Variants in WDFY3 observed in about 807,000 individuals in gnomAD.
WDFY3 encodes WD repeat and FYVE domain containing 3, also known as WD repeat and FYVE domain-containing protein 3.
In WDFY3, 66 loss-of-function variants were observed where a neutral mutation model predicts 409.6. That is an observed-to-expected ratio of 0.16 (90% CI 0.13 to 0.20). The LOEUF is 0.20. WDFY3 is among the 10% of genes least tolerant of loss of function. WDFY3 has a pLI of 1.00. For synonymous variants in WDFY3, 1,521 were observed against 1,537.1 expected, an observed-to-expected ratio of 0.99 and a Z score of 0.25; for missense variants, 3,031 against 4,298.1, an observed-to-expected ratio of 0.71 and a Z score of 8.24.
At chr4:84,834,043 C>G (rs547140757) in intron 7 of WDFY3, among the ~76,000 whole-genome samples, 1 of 152,012 alleles carries the variant, frequency 6.6e-6, no homozygotes, top group Non-Finnish European at 1.5e-5. Flanking sequence ...TGAATACAGA[C>G]AGTTAAATGC....
rs561554379 is a variant in WDFY3, at chr4:84,690,603, T to C, written c.9266A>G (p.Asn3089Ser). ...TCCACCCGTGATGACCAGCTTGGGG[T>C]TGGGGCAGATTGCACAGAGAATCTG... Reference protein sequence around the residue: ...WGQILCAICPNPKLVITGGTS... With the variant: ...WGQILCAICPSPKLVITGGTS... The change falls in exon 61 of 68, where the codon AAC becomes AGC. Residue 3089 changes from asparagine to serine, a missense_variant. Physicochemically the swap from Asn to Ser is conservative, Grantham distance 46. Transcript: ENST00000295888. 3 of 1,614,116 alleles carry C rather than the reference T, an allele frequency of 1.9e-6. No individual in the cohort carries two copies. Among genetic ancestry groups the C allele is most frequent in the Middle Eastern group, 3.3e-4 (2 of 6,062 alleles).
intron 5 of WDFY3, among the ~76,000 whole-genome samples, chr4:84,842,266 C>T (rs1393256855): frequency 1.3e-5 from 2 of 152,120 alleles, no homozygotes; most frequent in Non-Finnish European, 2.9e-5. Flanking sequence ...CACCTGAGGT[C>T]AGGAGTTCGA....
At chr4:84,897,080 C>T (rs1320914461) in intron 2 of WDFY3, 70 bp from the exon 3 acceptor site, 1 of 152,192 alleles carries the variant, frequency 6.6e-6, no homozygotes, top group Non-Finnish European at 1.5e-5. Flanking sequence ...ACAGGTAGCC[C>T]AGGTCCACTA....
Position 84,789,685 on chromosome 4 carries a change from C to A in WDFY3, c.3669+41G>T, listed in dbSNP as rs367553743. On this transcript the variant is annotated intron_variant, in intron 22 of 67. Transcript: ENST00000295888. ...CACACACACACCCCCCAAACTACTACCTTATAAAACAGGTAGATTTACAAG... is the reference window on the plus strand; with the variant it reads ...CACACACACACCCCCCAAACTACTAACTTATAAAACAGGTAGATTTACAAG... The A allele has an allele frequency of 1.0e-5, 16 of 1,545,264 alleles. No homozygotes were observed. In the African/African-American group the frequency reaches 1.9e-4, roughly 19 times the overall value.
At chr4:84,797,630 G>C (rs71597386) in intron 18 of WDFY3, among the ~76,000 whole-genome samples, 8,672 of 151,592 alleles carry the variant, frequency 0.057, 362 homozygotes, top group Non-Finnish European at 0.085. Context: ...GCCCAGGCTG[G>C]AGTGCAGTGG....
At chr4:84,923,988 T>G (rs1190624417) in intron 2 of WDFY3, among the ~76,000 whole-genome samples, 1 of 152,142 alleles carries the variant, frequency 6.6e-6, no homozygotes, top group African/African-American at 2.4e-5. Context: ...AATGCCAAAC[T>G]GCAAAAACTG....
At chr4:84,673,102 A>T (rs1299157895) in intron 67 of WDFY3, 111 bp from the exon 68 acceptor site, 1 of 1,441,556 alleles carries the variant, frequency 6.9e-7, no homozygotes, top group Non-Finnish European at 9.4e-7. Flanking sequence ...CAAAGGCCAT[A>T]CTGGTTTGTG....
At chr4:84,911,598 T>C (rs1767801449) in intron 2 of WDFY3, among the ~76,000 whole-genome samples, 1 of 152,196 alleles carries the variant, frequency 6.6e-6, no homozygotes, top group Non-Finnish European at 1.5e-5. Context: ...TGGGTCCAGT[T>C]ATATGTGAAT....
intron 1 of WDFY3, among the ~76,000 whole-genome samples, chr4:84,948,522 T>C (rs1773191753): frequency 3.3e-5 from 5 of 152,248 alleles, no homozygotes; most frequent in Admixed American, 2.6e-4. Context: ...ACTTAAATCC[T>C]AGATCACCAA....
chr4:84,930,088 T>C (rs1223402474), intron 2 of WDFY3, among the ~76,000 whole-genome samples: 2 of 152,150 alleles, frequency 1.3e-5, no homozygotes, highest in Non-Finnish European at 2.9e-5. Flanking sequence ...ATACAGACTG[T>C]GAGACCATAA....
chr4:84,681,736 G>A (rs1170445384), intron 64 of WDFY3, among the ~76,000 whole-genome samples: 1 of 151,940 alleles, frequency 6.6e-6, no homozygotes, highest in African/African-American at 2.4e-5. Flanking sequence ...TACATCAAAG[G>A]GGGCGGCTTC....
At chr4:84,811,154 T>C (rs1214586624) in intron 13 of WDFY3, among the ~76,000 whole-genome samples, 1 of 152,002 alleles carries the variant, frequency 6.6e-6, no homozygotes, top group Non-Finnish European at 1.5e-5. Context: ...CGCACCACTA[T>C]GCCCAGTTAA....
In WDFY3 at chr4:84,886,708, A is replaced by G. The variant is rs546580761; in HGVS notation, c.-32+10203T>C. On this transcript the variant is annotated intron_variant, in intron 3 of 67. Transcript: ENST00000295888. ...GAACTGGTTTTTCAATAGGTATTAGATATTAAATAAATTGCACAACATTTA... is the reference window on the plus strand; with the variant it reads ...GAACTGGTTTTTCAATAGGTATTAGGTATTAAATAAATTGCACAACATTTA... Among the ~76,000 whole-genome samples, 126 of 152,188 alleles carry G rather than the reference A, an allele frequency of 8.3e-4. 2 individuals carry two copies. Among genetic ancestry groups the G allele is most frequent in the Admixed American group, 2.2e-3 (34 of 15,272 alleles).
At chr4:84,732,989 T>A (rs1736855401) in intron 44 of WDFY3, among the ~76,000 whole-genome samples, 2 of 152,236 alleles carry the variant, frequency 1.3e-5, no homozygotes, top group Admixed American at 1.3e-4. Context: ...GACACTATTC[T>A]AAGTACTTAA....
chr4:84,776,933 T>C (rs916845792), intron 27 of WDFY3, among the ~76,000 whole-genome samples: 1 of 152,104 alleles, frequency 6.6e-6, no homozygotes, highest in Admixed American at 6.5e-5. Flanking sequence ...GAAGTGATAG[T>C]TATCCTAGTA....
intron 1 of WDFY3, among the ~76,000 whole-genome samples, chr4:84,960,774 G>C (rs1017907008): frequency 6.6e-5 from 10 of 152,130 alleles, no homozygotes; most frequent in Admixed American, 2.6e-4. Context: ...CACTGCAACT[G>C]GCAGGTTACT....
At chr4:84,885,997 T>C (rs1183067506) in intron 3 of WDFY3, among the ~76,000 whole-genome samples, 1 of 152,176 alleles carries the variant, frequency 6.6e-6, no homozygotes, top group Non-Finnish European at 1.5e-5. Flanking sequence ...TTTAAAAGTA[T>C]ACATTTCAGA....
chr4:84,926,162 G>A (rs575568869), intron 2 of WDFY3, among the ~76,000 whole-genome samples: 14 of 139,020 alleles, frequency 1.0e-4, no homozygotes, highest in African/African-American at 3.2e-4. Context: ...CCAAGATCGC[G>A]CCACCGCACT....
In WDFY3 at chr4:84,824,413, G is replaced by C. The variant is rs150662147; in HGVS notation, c.1123+2402C>G. Among the ~76,000 whole-genome samples the C allele has an allele frequency of 5.1e-3, 775 of 152,138 alleles. 9 individuals carry two copies. Among genetic ancestry groups the C allele is most frequent in the African/African-American group, 0.018 (728 of 41,506 alleles). ...AAAACATAGAATATATAGGGGTTTG[G>C]TACTATCTGTGGTTTCAGGTATCCA... On this transcript the variant is annotated intron_variant, in intron 10 of 67. Transcript: ENST00000295888.
Sources: allele counts gnomAD v4.1 joint callset (sites outside exome capture counted in the v4.1 genomes callset), GRCh38; gene constraint gnomAD v4.1.1; transcripts MANE v1.5; gene names NCBI Gene and HGNC (gene_info 2026-07-23, HGNC 2026-07-21).